Variants in UNC80 observed in about 807,000 individuals in gnomAD.
The protein encoded by UNC80 is unc-80 subunit of NALCN channel complex.
Under a neutral mutation model 384.6 loss-of-function variants are expected in UNC80, and 164 were observed. The observed-to-expected ratio is 0.43, with a 90% CI of 0.38 to 0.49. UNC80 has a LOEUF of 0.49. UNC80 is among the 20% of genes least tolerant of loss of function. UNC80 has a pLI of 0.00. For synonymous variants in UNC80, 1,486 were observed against 1,527.8 expected (o/e 0.97, Z 0.64); for missense variants, 3,330 against 4,143.0 (o/e 0.80, Z 5.39).
chr2:209,905,220 C>T (rs191233266), intron 29 of UNC80, among the ~76,000 whole-genome samples: 147 of 152,076 alleles, frequency 9.7e-4, no homozygotes, highest in African/African-American at 3.0e-3. Flanking sequence ...ATGACGATGA[C>T]GAATAAGTTA....
rs771753978 is a variant in UNC80, at chr2:209,777,438, A to G, written c.479A>G (p.Gln160Arg). 1 of 1,614,220 alleles carries G rather than the reference A, an allele frequency of 6.2e-7. No individual in the cohort carries two copies. The highest frequency in any genetic ancestry group is 2.2e-5 in the East Asian group (1 of 44,872). ...GTTGAAAACCAGGGTTCTCCAGGGC[A>G]GCCTTGCCAAAGCAGCTCTAATGAC... ...HQVENQGSPGQPCQSSSNDEE... is the reference protein window; with the variant it reads ...HQVENQGSPGRPCQSSSNDEE... The change falls in exon 4 of 65, where the codon CAG becomes CGG. Residue 160 changes from glutamine (Q) to arginine (R), a missense_variant. By Grantham distance (43) the Gln-to-Arg change is conservative. Transcript: ENST00000673920.
intron 41 of UNC80, among the ~76,000 whole-genome samples, chr2:209,937,320 C>A (rs2091317980): frequency 6.6e-6 from 1 of 152,226 alleles, no homozygotes; most frequent in Non-Finnish European, 1.5e-5. Context: ...CAAGACCATG[C>A]TGATCTGATC....
At chr2:209,975,946 G>A (rs962604417) in intron 56 of UNC80, among the ~76,000 whole-genome samples, 173 bp from the exon 57 acceptor site, 1 of 152,108 alleles carries the variant, frequency 6.6e-6, no homozygotes, top group Admixed American at 6.5e-5. Flanking sequence ...ACACGTTTTT[G>A]TCTCGATGTA....
At chr2:209,960,276 G>A (rs931460038) in intron 51 of UNC80, among the ~76,000 whole-genome samples, 5 of 152,148 alleles carry the variant, frequency 3.3e-5, no homozygotes, top group South Asian at 2.1e-4. Context: ...GAGGCCAGTC[G>A]TCATTTACAT....
intron 3 of UNC80, 119 bp from the exon 4 acceptor site, chr2:209,777,139 T>C: frequency 8.5e-7 from 1 of 1,174,290 alleles, no homozygotes; most frequent in Admixed American, 2.5e-5. Context: ...TGAGCCCTGC[T>C]AGCAGTGGTT....
intron 7 of UNC80, chr2:209,808,843 G>A: frequency 7.0e-6 from 1 of 143,692 alleles, no homozygotes; most frequent in East Asian, 2.3e-4. Flanking sequence ...CCCTGACCCT[G>A]ATCGGAAGCC....
At chr2:209,883,566 G>A (rs913092553) in intron 25 of UNC80, among the ~76,000 whole-genome samples, 2 of 151,688 alleles carry the variant, frequency 1.3e-5, no homozygotes, top group East Asian at 1.9e-4. Context: ...AAGTAGCTGG[G>A]ACTACAGACG....
chr2:209,780,152 C>G (rs2077075606), intron 4 of UNC80, among the ~76,000 whole-genome samples: 1 of 152,148 alleles, frequency 6.6e-6, no homozygotes, highest in African/African-American at 2.4e-5. Flanking sequence ...AGAAAAGGAG[C>G]AAGATCTCCC....
chr2:209,837,919 C>A (rs1326649649), intron 18 of UNC80, among the ~76,000 whole-genome samples: 2 of 151,934 alleles, frequency 1.3e-5, no homozygotes, highest in Admixed American at 1.3e-4. Context: ...CTACAGGCGC[C>A]CGCCACCGCA....
At position 209,969,864 on chromosome 2, in the gene UNC80, G is replaced by A. The variant is rs1559414483; in HGVS notation, c.8103G>A (p.Arg2701=). ...TCATATCCTTCCTGCCTCACCTTAG[G>A]TCACTGATCAATGTCTGTGTCAATC... ...QPIISFLPHL[R]SLINVCVNLV... is the part of the protein sequence containing the mutation. The change falls in exon 53 of 65, where the codon AGG becomes AGA. Residue 2701 remains arginine, a synonymous_variant. Transcript: ENST00000673920. 4 of 1,551,780 alleles carry A rather than the reference G, an allele frequency of 2.6e-6. No homozygotes were observed. Among genetic ancestry groups the A allele is most frequent in the Non-Finnish European group, 3.5e-6 (4 of 1,146,990 alleles).
intron 7 of UNC80, among the ~76,000 whole-genome samples, chr2:209,799,082 A>G (rs2078365673): frequency 1.0e-4 from 3 of 29,736 alleles, no homozygotes; most frequent in African/African-American, 2.7e-4. Context: ...AAATAAAATA[A>G]GTGTTTTTTT....
chr2:209,823,487 T>C lies in UNC80; in HGVS notation c.2332-2420T>C, dbSNP rs1285113248. On this transcript the variant is annotated intron_variant, in intron 13 of 64. Coordinates refer to ENST00000673920, the MANE Select transcript of UNC80 (RefSeq NM_001371986.1). ...CCTTGACGAAGGAAGCCAGTGAGGATTGAAATCCAGTCCAACCTCTGCTTT... is the reference window on the plus strand; with the variant it reads ...CCTTGACGAAGGAAGCCAGTGAGGACTGAAATCCAGTCCAACCTCTGCTTT... Among the ~76,000 whole-genome samples, 6 of 152,248 alleles carry C rather than the reference T, an allele frequency of 3.9e-5. No homozygotes were observed. The East Asian group carries it at 9.7e-4, about 25-fold the overall frequency.
At chr2:209,854,048 C>G (rs2191909) in intron 22 of UNC80, among the ~76,000 whole-genome samples, 24,742 of 152,008 alleles carry the variant, frequency 0.16, 2,626 homozygotes, top group African/African-American at 0.29. Flanking sequence ...CAGGAAAAGA[C>G]CTTCAGTTAC....
intron 51 of UNC80, among the ~76,000 whole-genome samples, chr2:209,959,987 T>G (rs1019550745): frequency 5.9e-5 from 9 of 152,196 alleles, no homozygotes; most frequent in Admixed American, 5.2e-4. Context: ...AAGGGAAATT[T>G]TATCACCTGA....
In UNC80 at chr2:209,817,031, C is replaced by T. The variant is rs765010337; in HGVS notation, c.1458C>T (p.Ser486=). ...FLLHEDHLDV[S]PTRSTFSFGS... ...TTCACGAGGACCACCTGGATGTGTC[C>T]CCCACGCGCAGCACATTCTCCTTTG... The change falls in exon 10 of 65, where the codon TCC becomes TCT. Residue 486 remains serine, a synonymous_variant. Transcript: ENST00000673920. 4 of 1,551,714 alleles carry T rather than the reference C, an allele frequency of 2.6e-6. No individual in the cohort carries two copies. Among genetic ancestry groups the T allele is most frequent in the Non-Finnish European group, 3.5e-6 (4 of 1,146,996 alleles).
chr2:209,903,743 AAAAC>A (rs1258516948), intron 28 of UNC80, among the ~76,000 whole-genome samples: 1 of 148,020 alleles, frequency 6.8e-6, no homozygotes. Flanking sequence ...TTAGTGGCTT[AAAAC>A]AATACACATT....
chr2:209,883,403 T>A (rs1001551232), intron 25 of UNC80, among the ~76,000 whole-genome samples: 5 of 149,082 alleles, frequency 3.4e-5, no homozygotes, highest in Admixed American at 6.7e-5. Flanking sequence ...TCCCACCAAG[T>A]CCCTGGCAAC....
At chr2:209,808,810 C>T (rs1263466540) in intron 7 of UNC80, 4 of 30,304 alleles carry the variant, frequency 1.3e-4, no homozygotes, top group Admixed American at 7.2e-4. Flanking sequence ...CACCATGCCG[C>T]GCTCTTTCCT....
chr2:209,888,043 A>G (rs759952914), intron 25 of UNC80, 52 bp from the exon 26 acceptor site: 122 of 1,535,796 alleles, frequency 7.9e-5, no homozygotes, highest in Non-Finnish European at 1.0e-4. Context: ...CGCGAGACCA[A>G]TGCAGTGCTG....
Sources: gnomAD v4.1 joint callset for allele counts (sites outside exome capture counted in the v4.1 genomes callset) on GRCh38, gnomAD v4.1.1 for gene constraint, MANE v1.5 for transcripts, NCBI Gene and HGNC (gene_info 2026-07-23, HGNC 2026-07-21) for gene names.